The following ADK variants were observed in gnomAD, a reference collection of about 807,000 sequenced individuals.
ADK encodes adenosine kinase, also known as N6,N6-dimethyladenosine kinase.
In ADK, 24 loss-of-function variants were observed where a neutral mutation model predicts 44.7. The observed-to-expected ratio is 0.54, with a 90% confidence interval of 0.39 to 0.76. The LOEUF (loss-of-function observed/expected upper bound fraction) is 0.76, where lower values mean the gene tolerates loss of function less well. Among genes scored for constraint, ADK ranks in the 30% least tolerant of loss-of-function variants. The pLI is 0.00. For synonymous variants in ADK, 128 were observed against 142.6 expected (o/e 0.90, Z 0.73); for missense variants, 321 against 425.1 (o/e 0.76, Z 2.15).
intron 2 of ADK, among the ~76,000 whole-genome samples, chr10:74,212,385 A>G (rs1218037049): frequency 6.6e-6 from 1 of 152,224 alleles, no homozygotes; most frequent in African/African-American, 2.4e-5. Context: ...AATATTAAAT[A>G]ACTGTTTTGC....
chr10:74,705,585 T>C (rs370455479), intron 10 of ADK, among the ~76,000 whole-genome samples: 1 of 152,216 alleles, frequency 6.6e-6, no homozygotes, highest in East Asian at 1.9e-4. Flanking sequence ...CTATTACAAA[T>C]AAAGCTGCTG....
intron 2 of ADK, among the ~76,000 whole-genome samples, chr10:74,220,760 A>C (rs147176411): frequency 1.3e-5 from 2 of 152,230 alleles, no homozygotes; most frequent in Admixed American, 6.5e-5. Context: ...CAGAACCAAA[A>C]ACAAAAACCA....
At chr10:74,167,960 T>C (rs1464816287) in intron 1 of ADK, among the ~76,000 whole-genome samples, 1 of 152,232 alleles carries the variant, frequency 6.6e-6, no homozygotes, top group African/African-American at 2.4e-5. Flanking sequence ...AATTTGAGTA[T>C]GTATATTATT....
intron 7 of ADK, among the ~76,000 whole-genome samples, chr10:74,568,082 T>C (rs1850757227): frequency 6.6e-6 from 1 of 152,286 alleles, no homozygotes; most frequent in Non-Finnish European, 1.5e-5. Flanking sequence ...CAGCCCTGGA[T>C]GGCTTTGAAT....
intron 7 of ADK, among the ~76,000 whole-genome samples, chr10:74,555,169 T>C (rs959508865): frequency 1.3e-5 from 2 of 152,164 alleles, no homozygotes; most frequent in Non-Finnish European, 2.9e-5. Context: ...GGCCCATGCC[T>C]GTAGTCTCAG....
intron 6 of ADK, among the ~76,000 whole-genome samples, chr10:74,473,833 G>C (rs1015664689): frequency 6.7e-6 from 1 of 148,552 alleles, no homozygotes; most frequent in Non-Finnish European, 1.5e-5. Context: ...ACTTGGGGGT[G>C]GGGGGGTAAA....
Position 74,356,014 on chromosome 10 carries a change from T to TTTTTTG in ADK, c.274-38122_274-38121insGTTTTT, listed in dbSNP as rs1842132665. On this transcript the variant is annotated intron_variant, in intron 4 of 10. Coordinates refer to ENST00000539909, the MANE Select transcript of ADK (RefSeq NM_006721.4). ...CACTAAATAATTCATTTTTTTTTTT[T>TTTTTTG]TTTTTTTTTTTTTTTGAGACGGAGT... Among the ~76,000 whole-genome samples the TTTTTTG allele has an allele frequency of 7.8e-5, 10 of 128,226 alleles. 2 individuals carry two copies. Among genetic ancestry groups the TTTTTTG allele is most frequent in the Non-Finnish European group, 8.3e-5 (5 of 60,540 alleles). 84.1% of individuals were successfully genotyped at this position (128,226 alleles called of 152,430 possible).
chr10:74,334,759 G>C (rs955191102), intron 4 of ADK, among the ~76,000 whole-genome samples: 1 of 152,066 alleles, frequency 6.6e-6, no homozygotes, highest in Admixed American at 6.6e-5. Context: ...TTCCTGGCAG[G>C]CTTCATAGGG....
chr10:74,569,347 G>A (rs1156681675), intron 7 of ADK, among the ~76,000 whole-genome samples: 9 of 152,218 alleles, frequency 5.9e-5, no homozygotes, highest in Non-Finnish European at 7.4e-5. Flanking sequence ...CTGAGGAATC[G>A]CCACACTGAC....
chr10:74,337,717 C>G (rs1163514648), intron 4 of ADK, among the ~76,000 whole-genome samples: 1 of 151,016 alleles, frequency 6.6e-6, no homozygotes, highest in African/African-American at 2.4e-5. Context: ...GAAGAGCTTA[C>G]TAACTGTGAG....
intron 3 of ADK, among the ~76,000 whole-genome samples, chr10:74,305,177 C>T (rs1469243363): frequency 6.6e-6 from 1 of 152,116 alleles, no homozygotes; most frequent in East Asian, 1.9e-4. Flanking sequence ...ATGTTCAGTA[C>T]ATATTTTTCC....
intron 10 of ADK, among the ~76,000 whole-genome samples, chr10:74,688,931 A>G (rs576935996): frequency 2.0e-4 from 31 of 151,468 alleles, no homozygotes; most frequent in Non-Finnish European, 3.5e-4. Context: ...GAGACTGATC[A>G]TACTACCTTT....
At chr10:74,376,616 G>A (rs1285868362) in intron 4 of ADK, among the ~76,000 whole-genome samples, 1 of 151,990 alleles carries the variant, frequency 6.6e-6, no homozygotes, top group Non-Finnish European at 1.5e-5. Flanking sequence ...ATTCACAATG[G>A]TAATTTCTTA....
intron 10 of ADK, among the ~76,000 whole-genome samples, chr10:74,692,678 T>C (rs1856037027): frequency 6.6e-6 from 1 of 152,168 alleles, no homozygotes. Flanking sequence ...CATAAGATTA[T>C]AAAACCTTAT....
At chr10:74,161,920 C>T (rs1356547592) in intron 1 of ADK, among the ~76,000 whole-genome samples, 3 of 152,120 alleles carry the variant, frequency 2.0e-5, no homozygotes, top group African/African-American at 7.2e-5. Context: ...ACTCTATTGC[C>T]CAGGCTGGTC....
intron 10 of ADK, among the ~76,000 whole-genome samples, chr10:74,699,530 A>C (rs1856340547): frequency 6.6e-6 from 1 of 152,138 alleles, no homozygotes; most frequent in East Asian, 1.9e-4. Context: ...TACAAAAACT[A>C]GCTGGGTATA....
At chr10:74,366,334 A>G (rs1386666155) in intron 4 of ADK, among the ~76,000 whole-genome samples, 1 of 152,214 alleles carries the variant, frequency 6.6e-6, no homozygotes, top group Admixed American at 6.5e-5. Context: ...CCTAAAATGC[A>G]ATTAATAAAA....
intron 6 of ADK, among the ~76,000 whole-genome samples, chr10:74,472,816 G>A (rs1453024166): frequency 6.6e-6 from 1 of 152,010 alleles, no homozygotes; most frequent in Non-Finnish European, 1.5e-5. Context: ...ATATGACAGT[G>A]TTTTTTCCAT....
At chr10:74,657,534 G>C (rs1291631429) in intron 9 of ADK, among the ~76,000 whole-genome samples, 1 of 152,182 alleles carries the variant, frequency 6.6e-6, no homozygotes, top group African/African-American at 2.4e-5. Context: ...CTAAGCTAGA[G>C]AAATATAGTA....
Sources: gnomAD v4.1 joint callset for allele counts (sites outside exome capture counted in the v4.1 genomes callset) on GRCh38, gnomAD v4.1.1 for gene constraint, MANE v1.5 for transcripts, NCBI Gene and HGNC (gene_info 2026-07-23, HGNC 2026-07-21) for gene names.